The following RBM4B variants were observed in gnomAD, a reference collection of about 807,000 sequenced individuals.
RBM4B encodes the protein RNA-binding protein 4B.
RBM4B carries 13 observed loss-of-function variants against 28.5 expected under a neutral mutation model. The observed-to-expected ratio is 0.46, with a 90% CI of 0.30 to 0.72. RBM4B has a LOEUF of 0.72. RBM4B is among the 30% of genes least tolerant of loss of function. The pLI, the probability that RBM4B is intolerant of heterozygous loss-of-function variation, is 0.09. For missense variants in RBM4B, 387 were observed against 477.6 expected (o/e 0.81, Z 1.77); for synonymous variants, 167 against 179.1 (o/e 0.93, Z 0.54).
At chr11:66,669,863 T>C (rs997275299) in intron 2 of RBM4B, among the ~76,000 whole-genome samples, 1 of 152,246 alleles carries the variant, frequency 6.6e-6, no homozygotes, top group Non-Finnish European at 1.5e-5. Context: ...TCTCCACAAC[T>C]TTCCTTTTTC....
At chr11:66,672,516 G>GA (rs1554972778) in intron 2 of RBM4B, among the ~76,000 whole-genome samples, 3 of 147,694 alleles carry the variant, frequency 2.0e-5, no homozygotes, top group South Asian at 2.2e-4. Flanking sequence ...GGGGGGGGGG[G>GA]ACAGATTCTT....
chr11:66,666,322 C>G lies in RBM4B; in HGVS notation c.*10-744G>C, dbSNP rs74731917. On this transcript the variant is annotated intron_variant, in intron 3 of 3. Transcript: ENST00000310046. ...CAAAGGGCCAAATCTTGGTCTTGATCTGTGCCAATCGACTTCAAAAGTTGT... is the reference window on the plus strand; with the variant it reads ...CAAAGGGCCAAATCTTGGTCTTGATGTGTGCCAATCGACTTCAAAAGTTGT... 1.9e-3 allele frequency: 1,986 copies of G among 1,040,378 alleles called. 30 individuals carry two copies. In the African/African-American group the frequency reaches 0.031, roughly 16 times the overall value. 64.4% of individuals were successfully genotyped at this position (1,040,378 alleles called of 1,614,324 possible). A position where few individuals can be genotyped will look rare whatever the true frequency, so the allele number is the denominator to read the frequency against.
chr11:66,668,015 A>C (rs913455945), intron 3 of RBM4B: 1 of 152,496 alleles, frequency 6.6e-6, no homozygotes. Context: ...TCAGGTAGCA[A>C]TTTTATTAGC....
At chr11:66,670,866 A>G (rs1050029435) in intron 2 of RBM4B, 14 of 700,618 alleles carry the variant, frequency 2.0e-5, no homozygotes, top group Middle Eastern at 2.3e-4. Context: ...AGGGCTTCTC[A>G]TTACTCTTAA....
intron 2 of RBM4B, 116 bp from the exon 3 acceptor site, chr11:66,669,407 A>AC: frequency 1.0e-6 from 1 of 979,902 alleles, no homozygotes; most frequent in South Asian, 1.7e-5. Flanking sequence ...CACACCTGTG[A>AC]CCCTATTTCA....
chr11:66,671,028 A>G (rs1384248146), intron 2 of RBM4B: 5 of 702,468 alleles, frequency 7.1e-6, no homozygotes, highest in Non-Finnish European at 1.0e-5. Context: ...GAACAGTGCC[A>G]TGCACTGACC....
At position 66,668,846 on chromosome 11, in the gene RBM4B, A is replaced by C. The variant is rs930052712; in HGVS notation, c.858T>G (p.Ala286=). The C allele has an allele frequency of 5.6e-6, 9 of 1,614,048 alleles. No individual in the cohort carries two copies. The highest frequency in any genetic ancestry group is 1.7e-5 in the Admixed American group (1 of 60,010). ...LPNSGAAATS[A]AMAAAAATTS... ...TGGTGGCTGCAGCAGCAGCCATAGC[A>C]GCTGAAGTGGCAGCAGCGCCAGAGT... is the stretch of plus-strand genomic sequence containing the variant. Residue 286 remains alanine (A), a synonymous_variant, in exon 3 of 4, where the codon GCT becomes GCG. Transcript: ENST00000310046.
chr11:66,676,666 A>G lies in RBM4B; in HGVS notation c.412+2T>C. 6.2e-7 allele frequency: 1 copy of G among 1,613,726 alleles called. No homozygotes were observed. The highest frequency in any genetic ancestry group is 1.1e-5 in the South Asian group (1 of 91,070). On this transcript the variant is annotated splice_donor_variant, in intron 2 of 3. Transcript: ENST00000310046. LOFTEE classifies it high-confidence loss of function. ...CTACTACCCAGGCCCAGAGCAGTTC[A>G]CCTTGAAACTCTGTGTTGTCAAGGC...
At chr11:66,673,716 C>T (rs1190402628) in intron 2 of RBM4B, among the ~76,000 whole-genome samples, 1 of 152,232 alleles carries the variant, frequency 6.6e-6, no homozygotes, top group Non-Finnish European at 1.5e-5. Context: ...CCGCCTCGGC[C>T]TTCCAGAGTG....
chr11:66,673,193 A>G (rs2079090304), intron 2 of RBM4B, among the ~76,000 whole-genome samples: 1 of 152,138 alleles, frequency 6.6e-6, no homozygotes, highest in Non-Finnish European at 1.5e-5. Context: ...GAAAAAAAAA[A>G]AAGACACCTG....
Position 66,665,024 on chromosome 11 carries a change from C to CAA in RBM4B, c.*562_*563dup, listed in dbSNP as rs1210779885. 6.6e-6 allele frequency: 1 copy of CAA among 152,284 alleles called. No homozygotes were observed. The highest frequency in any genetic ancestry group is 1.5e-5 in the Non-Finnish European group (1 of 68,162). The allele number at this position is 152,284 out of a possible 1,614,324, so 9.4% of individuals were successfully genotyped here. ...TTAAGTGTTAGAAACATTTATTTGTCAAAAAATTTTTTTAAAAAAGGGAGG... is the reference window on the plus strand; with the variant it reads ...TTAAGTGTTAGAAACATTTATTTGTCAAAAAAAATTTTTTTAAAAAAGGGAGG... On this transcript the variant is annotated 3_prime_UTR_variant, in exon 4 of 4. Coordinates refer to ENST00000310046, the MANE Select transcript of RBM4B (RefSeq NM_031492.4).
chr11:66,674,521 C>G (rs989216352), intron 2 of RBM4B, among the ~76,000 whole-genome samples: 4 of 151,830 alleles, frequency 2.6e-5, no homozygotes, highest in African/African-American at 9.6e-5. Context: ...GCCACAGCAC[C>G]CGGCCTGTCC....
At chr11:66,672,698 T>C (rs754361694) in intron 2 of RBM4B, among the ~76,000 whole-genome samples, 1 of 152,084 alleles carries the variant, frequency 6.6e-6, no homozygotes, top group Non-Finnish European at 1.5e-5. Context: ...GGTTTCACCA[T>C]GTTGGCCAGG....
chr11:66,665,619 G>A, intron 3 of RBM4B, 41 bp from the exon 4 acceptor site: 4 of 1,535,806 alleles, frequency 2.6e-6, no homozygotes, highest in Non-Finnish European at 2.6e-6. Flanking sequence ...ACAATGCCTG[G>A]AGAGCAGCCT....
intron 2 of RBM4B, among the ~76,000 whole-genome samples, chr11:66,672,899 A>C (rs993477853): frequency 6.6e-6 from 1 of 152,234 alleles, no homozygotes; most frequent in Non-Finnish European, 1.5e-5. Flanking sequence ...AAAATGAAAG[A>C]TTAATTCTTC....
chr11:66,673,781 GCCA>G (rs2135247128), intron 2 of RBM4B, among the ~76,000 whole-genome samples: 1 of 152,254 alleles, frequency 6.6e-6, no homozygotes, highest in East Asian at 1.9e-4. Context: ...CTTTTAAGAG[GCCA>G]CCTTCATTAG....
chr11:66,669,748 T>C (rs1048550018), intron 2 of RBM4B, among the ~76,000 whole-genome samples: 1 of 152,256 alleles, frequency 6.6e-6, no homozygotes, highest in African/African-American at 2.4e-5. Context: ...GCCCTGCCAG[T>C]AGTTGAAGTT....
chr11:66,669,115 C>A lies in RBM4B; in HGVS notation c.589G>T (p.Val197Phe). The part of the protein sequence containing the change: ...TEQYNEQYGA[V>F]RTPYTMGYGE... ...TAGCCCATGGTGTAAGGTGTTCGAACTGCTCCATATTGTTCATTATACTGC... is the reference window on the plus strand; with the variant it reads ...TAGCCCATGGTGTAAGGTGTTCGAAATGCTCCATATTGTTCATTATACTGC... The change falls in exon 3 of 4, where the codon GTT becomes TTT. Residue 197 changes from valine (V) to phenylalanine (F), a missense_variant. Physicochemically the swap from Val to Phe is conservative, Grantham distance 50 (BLOSUM62 -1). Transcript: ENST00000310046. The A allele has an allele frequency of 6.2e-7, 1 of 1,614,154 alleles. No individual in the cohort carries two copies. Among genetic ancestry groups the A allele is most frequent in the Admixed American group, 1.7e-5 (1 of 60,008 alleles).
Position 66,676,894 on chromosome 11 carries a change from C to T in RBM4B, c.186G>A (p.Gly62=). The T allele has an allele frequency of 6.2e-7, 1 of 1,614,142 alleles. No individual in the cohort carries two copies. Among genetic ancestry groups the T allele is most frequent in the South Asian group, 1.1e-5 (1 of 91,076 alleles). The change falls in exon 2 of 4, where the codon GGG becomes GGA. Residue 62 remains glycine (G), a synonymous_variant. Coordinates refer to ENST00000310046, the MANE Select transcript of RBM4B (RefSeq NM_031492.4). ...TGCTGGCTTCCACGTTGATGTTCACCCCATGAAGCTTGTAATGGTGCAGGT... is the reference window on the plus strand; with the variant it reads ...TGCTGGCTTCCACGTTGATGTTCACTCCATGAAGCTTGTAATGGTGCAGGT... ...IRNLHHYKLH[G]VNINVEASKN...
Sources: gnomAD v4.1 joint callset for allele counts (sites outside exome capture counted in the v4.1 genomes callset) on GRCh38, gnomAD v4.1.1 for gene constraint, MANE v1.5 for transcripts, NCBI Gene and HGNC (gene_info 2026-07-23, HGNC 2026-07-21) for gene names.